Variants in FUT8 observed in about 807,000 individuals in gnomAD.
FUT8 encodes the protein fucosyltransferase 8.
In FUT8, 29 loss-of-function variants were observed where a neutral mutation model predicts 71.3. The ratio of observed to expected loss-of-function variants is 0.41; its 90% confidence interval spans 0.30 to 0.55. The LOEUF (loss-of-function observed/expected upper bound fraction) is 0.55, where lower values mean the gene tolerates loss of function less well. FUT8 is among the 20% of genes least tolerant of loss of function. FUT8 has a pLI of 0.34. For missense variants in FUT8, 544 were observed against 702.1 expected (o/e 0.77, Z 2.55); for synonymous variants, 254 against 239.3 (o/e 1.06, Z -0.57).
At chr14:65,663,275 A>G (rs1321082329) in intron 6 of FUT8, among the ~76,000 whole-genome samples, 1 of 152,046 alleles carries the variant, frequency 6.6e-6, no homozygotes, top group African/African-American at 2.4e-5. Context: ...GCTATTCTGG[A>G]ACTATGCTGA....
chr14:65,738,472 C>G lies in FUT8; in HGVS notation c.1411-3621C>G, dbSNP rs953654336. Among the ~76,000 whole-genome samples the G allele has an allele frequency of 1.8e-4, 27 of 151,992 alleles. 1 individual carries two copies. Among genetic ancestry groups the G allele is most frequent in the Non-Finnish European group, 1.5e-5 (1 of 67,942 alleles). On this transcript the variant is annotated intron_variant, in intron 10 of 10. Coordinates refer to ENST00000673929, the MANE Select transcript of FUT8 (RefSeq NM_001371533.1). ...GTTTTATCCTTTGGCAGGATTTTTG[C>G]TGTTACCCATTACTGTGTGCTTTAC... is the stretch of plus-strand genomic sequence containing the variant.
chr14:65,693,624 A>T (rs1249174376), intron 7 of FUT8, among the ~76,000 whole-genome samples: 1 of 152,240 alleles, frequency 6.6e-6, no homozygotes, highest in Non-Finnish European at 1.5e-5. Context: ...TTTTGCATCT[A>T]CATTAATGAG....
intron 2 of FUT8, among the ~76,000 whole-genome samples, chr14:65,504,905 G>A (rs1415742026): frequency 1.3e-5 from 2 of 152,162 alleles, no homozygotes; most frequent in Non-Finnish European, 2.9e-5. Context: ...TTGTGCCATT[G>A]CACGCCGGGC....
intron 6 of FUT8, among the ~76,000 whole-genome samples, chr14:65,649,152 A>G (rs1891244674): frequency 6.6e-6 from 1 of 152,204 alleles, no homozygotes; most frequent in African/African-American, 2.4e-5. Context: ...ATGCCCATAG[A>G]CTACCATTTC....
At chr14:65,618,433 G>T (rs2140232961) in intron 5 of FUT8, among the ~76,000 whole-genome samples, 1 of 151,942 alleles carries the variant, frequency 6.6e-6, no homozygotes, top group African/African-American at 2.4e-5. Context: ...AAACAAAAAT[G>T]GTAAGTAAAG....
chr14:65,510,680 T>G (rs962673247), intron 2 of FUT8, among the ~76,000 whole-genome samples: 5 of 152,174 alleles, frequency 3.3e-5, no homozygotes, highest in Admixed American at 2.6e-4. Context: ...TAGGAATTTG[T>G]CTATTTCTTC....
At chr14:65,381,617 C>T in the FUT8 span, among the ~76,000 whole-genome samples, 1 of 152,312 alleles carries the variant, frequency 6.6e-6, no homozygotes, top group East Asian at 1.9e-4. Flanking sequence ...TACCTTCCAT[C>T]TCATAATGAA....
intron 3 of FUT8, among the ~76,000 whole-genome samples, chr14:65,576,786 C>T (rs1307344682): frequency 7.0e-6 from 1 of 142,996 alleles, no homozygotes; most frequent in Non-Finnish European, 1.5e-5. Flanking sequence ...ATGGCGCGAT[C>T]TCAGCTCACT....
chr14:65,676,270 G>A (rs569523772), intron 7 of FUT8, among the ~76,000 whole-genome samples: 1 of 152,142 alleles, frequency 6.6e-6, no homozygotes, highest in Admixed American at 6.5e-5. Context: ...CCTCACTATG[G>A]AGTGTAAACT....
chr14:65,526,427 C>T (rs1444455647), intron 2 of FUT8, among the ~76,000 whole-genome samples: 1 of 152,158 alleles, frequency 6.6e-6, no homozygotes, highest in Non-Finnish European at 1.5e-5. Context: ...AGATCTTCCT[C>T]CATCCCTTTA....
At chr14:65,645,765 T>A (rs1891095692) in intron 6 of FUT8, among the ~76,000 whole-genome samples, 1 of 152,216 alleles carries the variant, frequency 6.6e-6, no homozygotes, top group African/African-American at 2.4e-5. Flanking sequence ...CATTGAGAAA[T>A]GCCTCCTTCA....
intron 1 of FUT8, among the ~76,000 whole-genome samples, chr14:65,439,834 A>G (rs1459662617): frequency 6.6e-6 from 1 of 151,500 alleles, no homozygotes; most frequent in Non-Finnish European, 1.5e-5. Flanking sequence ...TCTCTTTACA[A>G]ATAGAAAATT....
In FUT8 at chr14:65,611,272, CACACACACACACACACACACACACACA is replaced by C. The variant is rs1566851395; in HGVS notation, c.204-4705_204-4679del. On this transcript the variant is annotated intron_variant, in intron 3 of 10. Coordinates refer to ENST00000673929, the MANE Select transcript of FUT8 (RefSeq NM_001371533.1). ...ACACACACACACACACACACACACA[CACACACACACACACACACACACACACA>C]CACCCCCCAAGTAATAGCCTTGATT... Among the ~76,000 whole-genome samples the C allele has an allele frequency of 6.2e-4, 41 of 66,044 alleles. 8 individuals carry two copies. Among genetic ancestry groups the C allele is most frequent in the East Asian group, 9.2e-4 (1 of 1,092 alleles). 43.3% of individuals were successfully genotyped at this position (66,044 alleles called of 152,430 possible).
chr14:65,570,761 A>G (rs772878571), intron 3 of FUT8, among the ~76,000 whole-genome samples: 11 of 152,130 alleles, frequency 7.2e-5, no homozygotes, highest in Non-Finnish European at 1.6e-4. Flanking sequence ...TGAATTAAAT[A>G]TGGTCTGAGA....
rs1373040102 is a variant in FUT8, at chr14:65,550,207, A to G, written c.-227-11130A>G. ...AAGGCAAAGGGGGAGCCAGCGTATC[A>G]CATGGTGAGAAGGGGTGCAAGAGAG... On this transcript the variant is annotated intron_variant, in intron 2 of 10. Coordinates refer to ENST00000673929, the MANE Select transcript of FUT8 (RefSeq NM_001371533.1). The surrounding 1 kb of genome is among the most constrained non-coding windows in gnomAD (Gnocchi z 4.5). Among the ~76,000 whole-genome samples, 2 of 152,194 alleles carry G rather than the reference A, an allele frequency of 1.3e-5. No homozygotes were observed. The highest frequency in any genetic ancestry group is 3.8e-4 in the East Asian group (2 of 5,198).
intron 7 of FUT8, among the ~76,000 whole-genome samples, chr14:65,709,177 G>A (rs1417600454): frequency 6.6e-6 from 1 of 152,004 alleles, no homozygotes; most frequent in Non-Finnish European, 1.5e-5. Context: ...AAATATGTAG[G>A]TTTCATAAAG....
chr14:65,563,415 T>C (rs1019422520), intron 3 of FUT8, among the ~76,000 whole-genome samples: 2 of 152,058 alleles, frequency 1.3e-5, no homozygotes, highest in Non-Finnish European at 2.9e-5. Context: ...TTTAATTTGC[T>C]GAAGGTCACA....
chr14:65,509,687 G>A (rs1394399950), intron 2 of FUT8, among the ~76,000 whole-genome samples: 3 of 152,004 alleles, frequency 2.0e-5, no homozygotes, highest in South Asian at 2.1e-4. Flanking sequence ...GGTGGCTATT[G>A]TAAATGGGAC....
At chr14:65,425,038 A>G (rs2065361246) in intron 1 of FUT8, among the ~76,000 whole-genome samples, 1 of 152,142 alleles carries the variant, frequency 6.6e-6, no homozygotes, top group Admixed American at 6.5e-5. Context: ...CCCCAAATTT[A>G]TCAACATATT....
Sources: allele counts gnomAD v4.1 joint callset (sites outside exome capture counted in the v4.1 genomes callset), GRCh38; gene constraint gnomAD v4.1.1; non-coding constraint Gnocchi (gnomAD v3.1); transcripts MANE v1.5; gene names NCBI Gene and HGNC (gene_info 2026-07-23, HGNC 2026-07-21).